The following PRSS16 variants were observed in gnomAD, a reference collection of about 807,000 sequenced individuals.
The protein encoded by PRSS16 is serine protease 16, also known as thymus-specific serine protease.
A neutral mutation model predicts 61.7 loss-of-function variants in PRSS16; 43 were observed. The ratio of observed to expected loss-of-function variants is 0.70; its 90% confidence interval spans 0.55 to 0.90. PRSS16 has a LOEUF of 0.90. Ranked by LOEUF, PRSS16 falls within the 40% of genes least tolerant of loss-of-function variation. PRSS16 has a pLI of 0.00. For synonymous variants in PRSS16, 273 were observed against 285.2 expected (o/e 0.96, Z 0.43); for missense variants, 591 against 659.1 (o/e 0.90, Z 1.13).
At position 27,255,324 on chromosome 6, in the gene PRSS16, C is replaced by A. The variant is rs749686158; in HGVS notation, c.*9C>A. On this transcript the variant is annotated 3_prime_UTR_variant, in exon 12 of 12. Transcript: ENST00000230582. The surrounding 1 kb of genome is among the most constrained non-coding windows in gnomAD (Gnocchi z 4.4). ...TTAAGGGTGAAGTCTGAATCTCATA[C>A]CCTTTCCACTCCCTGCATGGTCACC... 1.3e-6 allele frequency: 2 copies of A among 1,599,894 alleles called. No homozygotes were observed. Among genetic ancestry groups the A allele is most frequent in the South Asian group, 1.1e-5 (1 of 89,622 alleles).
intron 3 of PRSS16, 26 bp from the exon 4 acceptor site, chr6:27,249,074 A>G (rs559192697): frequency 1.2e-5 from 5 of 413,956 alleles, no homozygotes; most frequent in Non-Finnish European, 2.1e-5. Context: ...TCACCTCCCC[A>G]CCCCCCACCC....
rs374424134 is a variant in PRSS16, at chr6:27,251,993, A to G, written c.961A>G (p.Asn321Asp). 1.3e-6 allele frequency: 2 copies of G among 1,582,536 alleles called. No homozygotes were observed. The highest frequency in any genetic ancestry group is 1.7e-6 in the Non-Finnish European group (2 of 1,166,076). ...LCGLLLGGGG[N>D]RSHSTPYCGL... ...CGGACTTCTCCTCGGGGGCGGGGGC[A>G]ACCGCAGCCACTCCACGCCCTACTG... The change falls in exon 8 of 12, where the codon AAC becomes GAC. Residue 321 changes from asparagine (N) to aspartate (D), a missense_variant. Coordinates refer to ENST00000230582, the MANE Select transcript of PRSS16 (RefSeq NM_005865.4). This position sits in a 1 kb window ranked among gnomAD's most constrained non-coding sequence, Gnocchi z 5.6.
At chr6:27,248,125 C>A in intron 2 of PRSS16, 77 bp downstream of exon 2, 1 of 1,476,092 alleles carries the variant, frequency 6.8e-7, no homozygotes, top group Non-Finnish European at 9.1e-7. Flanking sequence ...TCAGTCTGCA[C>A]TTTTTTCTCT....
intron 2 of PRSS16, 46 bp from the exon 3 acceptor site, chr6:27,248,801 C>A: frequency 2.3e-6 from 3 of 1,280,694 alleles, no homozygotes; most frequent in Non-Finnish European, 3.3e-6. Flanking sequence ...GAGAATAAGT[C>A]AGGACTCTCA....
chr6:27,251,616 G>GGGGCGGGGGCCTGT lies in PRSS16; in HGVS notation c.718-133_718-132insGGCGGGGGCCTGTG. ...GCGGGGGCCTGGGGGCGGGGGCCTG[G>GGGGCGGGGGCCTGT]GCCAAGAGCTAGGTCTGCACCCTCT... On this transcript the variant is annotated intron_variant, in intron 7 of 11. Coordinates refer to ENST00000230582, the MANE Select transcript of PRSS16 (RefSeq NM_005865.4). This position sits in a 1 kb window ranked among gnomAD's most constrained non-coding sequence, Gnocchi z 5.6. 2.5e-6 allele frequency: 3 copies of GGGGCGGGGGCCTGT among 1,210,582 alleles called. No homozygotes were observed. Among genetic ancestry groups the GGGGCGGGGGCCTGT allele is most frequent in the Non-Finnish European group, 2.2e-6 (2 of 901,504 alleles). The allele number at this position is 1,210,582 out of a possible 1,614,324, so 75.0% of individuals were successfully genotyped here. A position where few individuals can be genotyped will look rare whatever the true frequency, so the allele number is the denominator to read the frequency against.
rs771370807 is a variant in PRSS16 at position 27,249,080 on chromosome 6, C to A, written c.338-20C>A. The A allele has an allele frequency of 5.2e-5, 28 of 535,854 alleles. No homozygotes were observed. The highest frequency in any genetic ancestry group is 9.3e-5 in the East Asian group (2 of 21,578). The allele number at this position is 535,854 out of a possible 1,614,324, so 33.2% of individuals were successfully genotyped here. On this transcript the variant is annotated intron_variant, in intron 3 of 11. Transcript: ENST00000230582. Reference sequence around the variant, plus strand: ...ACTTGCATCTCACCTCCCCACCCCCCACCCATACACTCTTCACAGGCCATC... The same window carrying A: ...ACTTGCATCTCACCTCCCCACCCCCAACCCATACACTCTTCACAGGCCATC...
At chr6:27,253,298 A>G (rs1759958580) in intron 9 of PRSS16, 1 of 337,480 alleles carries the variant, frequency 3.0e-6, no homozygotes, top group Non-Finnish European at 5.8e-6. Flanking sequence ...TAGCCTGTCA[A>G]TTACTGAGTC....
chr6:27,247,982 A>G lies in PRSS16; in HGVS notation c.171A>G (p.Pro57=). The part of the protein sequence containing the change: ...LSLGPGAAAL[P]KVGWLEQLLD... Reference sequence around the variant, plus strand: ...TGGGGCCAGGTGCTGCAGCCCTCCCAAAAGTGGGGTGGCTGGAGCAACTGC... The same window carrying G: ...TGGGGCCAGGTGCTGCAGCCCTCCCGAAAGTGGGGTGGCTGGAGCAACTGC... Residue 57 remains proline, a synonymous_variant, in exon 2 of 12, where the codon CCA becomes CCG. Coordinates refer to ENST00000230582, the MANE Select transcript of PRSS16 (RefSeq NM_005865.4). The G allele has an allele frequency of 1.2e-6, 2 of 1,612,968 alleles. No individual in the cohort carries two copies. Among genetic ancestry groups the G allele is most frequent in the Non-Finnish European group, 1.7e-6 (2 of 1,179,474 alleles).
rs986493888 is a variant in PRSS16 at position 27,250,946 on chromosome 6, G to A, written c.592-96G>A. 6 of 1,578,310 alleles carry A rather than the reference G, an allele frequency of 3.8e-6. No individual in the cohort carries two copies. The African/African-American group carries it at 5.4e-5, about 14-fold the overall frequency. Reference sequence around the variant, plus strand: ...AATTTTGCACAAGCTGTCCTCACAAGAGCCCGAGATTACACAGCGAGTAAG... The same window carrying A: ...AATTTTGCACAAGCTGTCCTCACAAAAGCCCGAGATTACACAGCGAGTAAG... On this transcript the variant is annotated intron_variant, in intron 5 of 11. Transcript: ENST00000230582.
chr6:27,251,338 G>A lies in PRSS16; in HGVS notation c.717+74G>A, dbSNP rs1403883834. ...TCGGATGCCAGGGAAGAGGAGGCCAGAGAAGGGCGAAACCTGCAACGTGGC... is the reference window on the plus strand; with the variant it reads ...TCGGATGCCAGGGAAGAGGAGGCCAAAGAAGGGCGAAACCTGCAACGTGGC... On this transcript the variant is annotated intron_variant, in intron 7 of 11. Coordinates refer to ENST00000230582, the MANE Select transcript of PRSS16 (RefSeq NM_005865.4). This position sits in a 1 kb window ranked among gnomAD's most constrained non-coding sequence, Gnocchi z 5.6. The A allele has an allele frequency of 2.7e-6, 4 of 1,502,870 alleles. No homozygotes were observed. The African/African-American group carries it at 4.2e-5, about 16-fold the overall frequency. 93.1% of individuals were successfully genotyped at this position (1,502,870 alleles called of 1,614,324 possible).
chr6:27,249,707 T>C (rs1759831452), intron 4 of PRSS16, among the ~76,000 whole-genome samples: 1 of 152,206 alleles, frequency 6.6e-6, no homozygotes, highest in African/African-American at 2.4e-5. Context: ...GTCAAAGCTT[T>C]TACAGTCGCC....
In PRSS16 at chr6:27,251,499, G is replaced by T. The variant is rs1481943324; in HGVS notation, c.717+235G>T. 1.4e-6 allele frequency: 1 copy of T among 729,470 alleles called. No homozygotes were observed. The highest frequency in any genetic ancestry group is 2.2e-6 in the Non-Finnish European group (1 of 462,628). 45.2% of individuals were successfully genotyped at this position (729,470 alleles called of 1,614,324 possible). On this transcript the variant is annotated intron_variant, in intron 7 of 11. Coordinates refer to ENST00000230582, the MANE Select transcript of PRSS16 (RefSeq NM_005865.4). The surrounding 1 kb of genome is among the most constrained non-coding windows in gnomAD (Gnocchi z 5.6). ...GTTTGGGCAGGGACAATCCTATCCGGAGGTGAGGCTCAAGGTGGGGCGGGG... is the reference window on the plus strand; with the variant it reads ...GTTTGGGCAGGGACAATCCTATCCGTAGGTGAGGCTCAAGGTGGGGCGGGG...
In PRSS16 at chr6:27,247,884, T is replaced by C; in HGVS notation, c.73T>C (p.Ser25Pro). 6.2e-7 allele frequency: 1 copy of C among 1,609,916 alleles called. No individual in the cohort carries two copies. Among genetic ancestry groups the C allele is most frequent in the South Asian group, 1.1e-5 (1 of 90,546 alleles). The change falls in exon 2 of 12, where the codon TCC becomes CCC. Residue 25 changes from serine to proline, a missense_variant and splice_region_variant. Physicochemically the swap from Ser to Pro is moderately conservative, Grantham distance 74. Coordinates refer to ENST00000230582, the MANE Select transcript of PRSS16 (RefSeq NM_005865.4). ...TTCCTTCCCTCCATGTCCCACAGCC[T>C]CCCTTCTTAGGCGCCTGGGTGAGCA... ...VSLWGLLAPA[S>P]LLRRLGEHIQ...
In PRSS16 at chr6:27,256,348, G is replaced by C. The variant is rs1334848727; in HGVS notation, c.*1033G>C. On this transcript the variant is annotated 3_prime_UTR_variant, in exon 12 of 12. Coordinates refer to ENST00000230582, the MANE Select transcript of PRSS16 (RefSeq NM_005865.4). ...CCTGGGAGGATAGGGCTAATCCCAA[G>C]GGTGCCTGCTTAGGCTATGTTAGCT... 19 of 152,674 alleles carry C rather than the reference G, an allele frequency of 1.2e-4. No individual in the cohort carries two copies. Among genetic ancestry groups the C allele is most frequent in the Admixed American group, 9.2e-4 (14 of 15,284 alleles). The allele number at this position is 152,674 out of a possible 1,614,324, so 9.5% of individuals were successfully genotyped here.
At position 27,247,939 on chromosome 6, in the gene PRSS16, A is replaced by G; in HGVS notation, c.128A>G (p.Gln43Arg). ...CAGCAGTTTCAGGAGAGCTCTGCCC[A>G]GGGCCTGGGCCTGAGCCTGGGGCCA... ...HIQQFQESSA[Q>R]GLGLSLGPGA... Residue 43 changes from glutamine to arginine, a missense_variant, in exon 2 of 12, where the codon CAG becomes CGG. Transcript: ENST00000230582. 6.2e-7 allele frequency: 1 copy of G among 1,604,648 alleles called. No homozygotes were observed. Among genetic ancestry groups the G allele is most frequent in the Non-Finnish European group, 8.5e-7 (1 of 1,175,924 alleles).
rs1482648141 is a variant in PRSS16, at chr6:27,252,036, T to C, written c.1004T>C (p.Val335Ala). The change falls in exon 8 of 12, where the codon GTG becomes GCG. Residue 335 changes from valine to alanine, a missense_variant. Val to Ala is a moderately conservative substitution (Grantham distance 64, BLOSUM62 0). Coordinates refer to ENST00000230582, the MANE Select transcript of PRSS16 (RefSeq NM_005865.4). The surrounding 1 kb of genome is among the most constrained non-coding windows in gnomAD (Gnocchi z 4.2). ...STPYCGLRRAVQIVLHSLGQK... is the reference protein window; with the variant it reads ...STPYCGLRRAAQIVLHSLGQK... The stretch of plus-strand genomic sequence containing the variant: ...CCCTACTGCGGGCTTCGTCGGGCGG[T>C]GCAGGTGAGCACTCCCTGGCACAGC... The C allele has an allele frequency of 6.6e-7, 1 of 1,525,122 alleles. No homozygotes were observed. Among genetic ancestry groups the C allele is most frequent in the African/African-American group, 1.4e-5 (1 of 71,976 alleles). 94.5% of individuals were successfully genotyped at this position (1,525,122 alleles called of 1,614,324 possible). A position where few individuals can be genotyped will look rare whatever the true frequency, so the allele number is the denominator to read the frequency against.
In PRSS16 at chr6:27,251,179, G is replaced by C. The variant is rs773439990; in HGVS notation, c.670-38G>C. The stretch of plus-strand genomic sequence containing the variant: ...GGGGTCCCAGCGGGCGGAGTCCCTT[G>C]ACACTTCCGGATACCTTCCTCTGCG... On this transcript the variant is annotated intron_variant, in intron 6 of 11. Transcript: ENST00000230582. This position sits in a 1 kb window ranked among gnomAD's most constrained non-coding sequence, Gnocchi z 5.6. 2.5e-6 allele frequency: 4 copies of C among 1,613,804 alleles called. No individual in the cohort carries two copies. Among genetic ancestry groups the C allele is most frequent in the East Asian group, 2.2e-5 (1 of 44,858 alleles).
chr6:27,247,820 TG>T lies in PRSS16; in HGVS notation c.70+14del. ...CTCTTGGCTCCAGGTAAGAGGAGGCTGAGGGTCAAGCAGGGCATCCTAAGGG... is the reference window on the plus strand; with the variant it reads ...CTCTTGGCTCCAGGTAAGAGGAGGCTAGGGTCAAGCAGGGCATCCTAAGGG... On this transcript the variant is annotated intron_variant, in intron 1 of 11. Transcript: ENST00000230582. 6.2e-7 allele frequency: 1 copy of T among 1,613,742 alleles called. No homozygotes were observed. Among genetic ancestry groups the T allele is most frequent in the Non-Finnish European group, 8.5e-7 (1 of 1,179,854 alleles).
At chr6:27,253,016 A>C (rs1759952740) in intron 9 of PRSS16, 67 bp downstream of exon 9, 1 of 1,604,512 alleles carries the variant, frequency 6.2e-7, no homozygotes, top group South Asian at 1.1e-5. Flanking sequence ...CAGAGAAGTC[A>C]TCTTACAGGT....
Sources: allele counts gnomAD v4.1 joint callset (sites outside exome capture counted in the v4.1 genomes callset), GRCh38; gene constraint gnomAD v4.1.1; non-coding constraint Gnocchi (gnomAD v3.1); transcripts MANE v1.5; gene names NCBI Gene and HGNC (gene_info 2026-07-23, HGNC 2026-07-21).